TRMT11: variants seen among roughly 807,000 people sequenced by gnomAD.
TRMT11 encodes tRNA methyltransferase 11, also known as tRNA (guanine(10)-N(2))-methyltransferase TRMT11.
A neutral mutation model predicts 62.8 loss-of-function variants in TRMT11; 53 were observed. That is an observed-to-expected ratio of 0.84 (90% confidence interval 0.68 to 1.06). The LOEUF is 1.06. Ranked by LOEUF, TRMT11 falls within the 50% of genes least tolerant of loss-of-function variation. The pLI is 0.00. For synonymous variants in TRMT11, 188 were observed against 190.3 expected (o/e 0.99, Z 0.10); for missense variants, 556 against 553.4 (o/e 1.00, Z -0.05).
the TRMT11 span, among the ~76,000 whole-genome samples, chr6:126,247,123 T>G: frequency 1.3e-5 from 2 of 152,172 alleles, no homozygotes; most frequent in African/African-American, 2.4e-5. Context: ...GGGCTTAGCT[T>G]GCTCCCTGAT....
chr6:126,003,928 G>A (rs966625132), intron 7 of TRMT11, among the ~76,000 whole-genome samples: 2 of 152,000 alleles, frequency 1.3e-5, no homozygotes, highest in African/African-American at 4.8e-5. Flanking sequence ...TTTTCTTCTA[G>A]TGCTTTTGTA....
intron 17 of TRMT11, among the ~76,000 whole-genome samples, chr6:126,080,916 C>CTAGGTAAGAAG (rs1403765058): frequency 3.3e-5 from 5 of 152,120 alleles, no homozygotes; most frequent in African/African-American, 1.2e-4. Flanking sequence ...AGGTTTAGAG[C>CTAGGTAAGAAG]CATTATGGTA....
chr6:126,066,477 C>G (rs185025049), intron 17 of TRMT11, among the ~76,000 whole-genome samples: 2 of 152,050 alleles, frequency 1.3e-5, no homozygotes, highest in Non-Finnish European at 2.9e-5. Context: ...GTATGTATGT[C>G]GAGAGGGAAG....
At chr6:126,238,885 T>C in the TRMT11 span, among the ~76,000 whole-genome samples, 2 of 152,230 alleles carry the variant, frequency 1.3e-5, no homozygotes, top group African/African-American at 4.8e-5. Context: ...TTTATGAATC[T>C]GGGTGCTCCT....
intron 21 of TRMT11, among the ~76,000 whole-genome samples, chr6:126,129,902 C>T (rs1019846554): frequency 6.6e-6 from 1 of 152,042 alleles, no homozygotes; most frequent in African/African-American, 2.4e-5. Context: ...GCTTCTGGCT[C>T]ACTGTCCTGT....
At chr6:126,083,790 CA>C (rs1777185859) in intron 17 of TRMT11, among the ~76,000 whole-genome samples, 1 of 152,154 alleles carries the variant, frequency 6.6e-6, no homozygotes, top group African/African-American at 2.4e-5. Context: ...CCCTCCCAAT[CA>C]CTGGTAAACA....
At chr6:126,081,883 G>A (rs953636969) in intron 17 of TRMT11, among the ~76,000 whole-genome samples, 4 of 152,102 alleles carry the variant, frequency 2.6e-5, no homozygotes, top group East Asian at 1.9e-4. Flanking sequence ...GGCAAGTACC[G>A]AAAGGAGAAT....
At chr6:126,240,931 G>A in the TRMT11 span, among the ~76,000 whole-genome samples, 37 of 152,318 alleles carry the variant, frequency 2.4e-4, no homozygotes, top group African/African-American at 8.7e-4. Context: ...CCCCAGCCTC[G>A]CTGCTGCCTT....
At chr6:126,110,761 A>T (rs2128187452) in intron 17 of TRMT11, among the ~76,000 whole-genome samples, 1 of 152,242 alleles carries the variant, frequency 6.6e-6, no homozygotes, top group African/African-American at 2.4e-5. Flanking sequence ...TGCAACTAGG[A>T]AAATGAAGTG....
intron 17 of TRMT11, among the ~76,000 whole-genome samples, chr6:126,057,133 C>T (rs1776395954): frequency 1.3e-5 from 2 of 152,328 alleles, no homozygotes; most frequent in African/African-American, 4.8e-5. Flanking sequence ...CATTATCTTT[C>T]TTTTGCAAAG....
intron 1 of TRMT11, among the ~76,000 whole-genome samples, chr6:126,195,666 A>G (rs190934944): frequency 6.6e-6 from 1 of 152,222 alleles, no homozygotes; most frequent in Admixed American, 6.5e-5. Context: ...ATAGTCATGT[A>G]CTTTGGAGGG....
chr6:126,066,946 C>T (rs918024534), intron 17 of TRMT11, among the ~76,000 whole-genome samples: 6 of 151,876 alleles, frequency 4.0e-5, no homozygotes, highest in Admixed American at 1.3e-4. Context: ...AAATAAGGGC[C>T]GGGCACAGTG....
At chr6:125,996,992 T>C (rs145883461) in intron 3 of TRMT11, among the ~76,000 whole-genome samples, 4 of 152,322 alleles carry the variant, frequency 2.6e-5, no homozygotes, top group South Asian at 2.1e-4. Flanking sequence ...AACATAACTT[T>C]TAAAAAACTC....
intron 11 of TRMT11, among the ~76,000 whole-genome samples, chr6:126,015,704 A>G (rs749504046): frequency 4.6e-5 from 7 of 152,170 alleles, no homozygotes; most frequent in African/African-American, 1.4e-4. Context: ...AATATTACCA[A>G]TTGCAATCCA....
At chr6:126,009,547 G>A (rs1180581583) in intron 8 of TRMT11, 1 of 151,868 alleles carries the variant, frequency 6.6e-6, no homozygotes, top group Non-Finnish European at 1.5e-5. Flanking sequence ...TCCTCACCCA[G>A]TATAAGTTAT....
intron 16 of TRMT11, among the ~76,000 whole-genome samples, chr6:126,051,240 T>A (rs1209985569): frequency 6.6e-6 from 1 of 151,948 alleles, no homozygotes; most frequent in Non-Finnish European, 1.5e-5. Context: ...GAAGGGTAGG[T>A]AGTAGTTAGC....
At chr6:126,100,177 C>A (rs1167406709) in intron 17 of TRMT11, among the ~76,000 whole-genome samples, 1 of 152,070 alleles carries the variant, frequency 6.6e-6, no homozygotes, top group Non-Finnish European at 1.5e-5. Flanking sequence ...CGTGGAGGAC[C>A]AAGCCAGTAT....
chr6:126,162,920 C>T (rs1047621937), intron 21 of TRMT11, among the ~76,000 whole-genome samples: 3 of 152,162 alleles, frequency 2.0e-5, no homozygotes, highest in African/African-American at 7.2e-5. Context: ...TATCCTGAGA[C>T]TTTGCTGAAA....
chr6:126,052,937 C>T (rs1477807938), intron 16 of TRMT11, among the ~76,000 whole-genome samples: 1 of 152,156 alleles, frequency 6.6e-6, no homozygotes, highest in Non-Finnish European at 1.5e-5. Flanking sequence ...ACAAGAAGGG[C>T]AGGACTGGTG....
Sources: gnomAD v4.1 joint callset for allele counts (sites outside exome capture counted in the v4.1 genomes callset) on GRCh38, gnomAD v4.1.1 for gene constraint, MANE v1.5 for transcripts, NCBI Gene and HGNC (gene_info 2026-07-23, HGNC 2026-07-21) for gene names.